Variants in CDCP1 observed in about 807,000 individuals in gnomAD.
The protein encoded by CDCP1 is CUB domain-containing protein 1.
CDCP1 carries 29 observed loss-of-function variants against 60.2 expected under a neutral mutation model. The ratio of observed to expected loss-of-function variants is 0.48; its 90% CI spans 0.36 to 0.66. The LOEUF (loss-of-function observed/expected upper bound fraction) is 0.66. CDCP1 is among the 30% of genes least tolerant of loss of function. The pLI is 0.00. For synonymous variants in CDCP1, 387 were observed against 431.1 expected, an observed-to-expected ratio of 0.90 and a Z score of 1.27; for missense variants, 876 against 1,074.3, an observed-to-expected ratio of 0.82 and a Z score of 2.58.
chr3:45,112,914 T>G (rs1403791207), intron 2 of CDCP1, among the ~76,000 whole-genome samples: 1 of 152,234 alleles, frequency 6.6e-6, no homozygotes, highest in Non-Finnish European at 1.5e-5. Flanking sequence ...TCCTCACTTC[T>G]GAGAGCACTT....
intron 1 of CDCP1, among the ~76,000 whole-genome samples, chr3:45,141,715 T>C (rs967952672): frequency 6.6e-6 from 1 of 152,198 alleles, no homozygotes; most frequent in African/African-American, 2.4e-5. Flanking sequence ...CCTTACCTGG[T>C]TGTCTAGAAT....
intron 3 of CDCP1, 88 bp from the exon 4 acceptor site, chr3:45,110,929 A>C: frequency 7.0e-7 from 1 of 1,419,424 alleles, no homozygotes. Flanking sequence ...GGGGTGTAGG[A>C]AAAATGACTG....
In CDCP1 at chr3:45,133,320, C is replaced by T. The variant is rs112419614; in HGVS notation, c.82+12886G>A. On this transcript the variant is annotated intron_variant, in intron 1 of 8. Transcript: ENST00000296129. The stretch of plus-strand genomic sequence containing the variant: ...TGAGACCTTGTGCAGAGAACCCACC[C>T]GTGCTGTACATTTCTGGACTTCCGA... Among the ~76,000 whole-genome samples the T allele has an allele frequency of 7.3e-5, 11 of 151,684 alleles. 1 individual carries two copies. The South Asian group carries it at 8.4e-4, about 12-fold the overall frequency.
At chr3:45,120,833 T>G (rs1425507637) in intron 1 of CDCP1, among the ~76,000 whole-genome samples, 1 of 152,138 alleles carries the variant, frequency 6.6e-6, no homozygotes, top group Admixed American at 6.5e-5. Context: ...GCTGGCTCCT[T>G]GTTGTCATTC....
chr3:45,146,106 C>T (rs1699382690), intron 1 of CDCP1, 100 bp downstream of exon 1: 5 of 1,128,092 alleles, frequency 4.4e-6, no homozygotes, highest in Non-Finnish European at 6.2e-6. Context: ...ACCCTCCGCA[C>T]CCTCCGCACC....
intron 4 of CDCP1, among the ~76,000 whole-genome samples, chr3:45,108,262 C>G (rs1358273942): frequency 6.6e-6 from 1 of 152,152 alleles, no homozygotes; most frequent in African/African-American, 2.4e-5. Flanking sequence ...GATCAGAGTT[C>G]TCAGGCAGTC....
intron 4 of CDCP1, among the ~76,000 whole-genome samples, chr3:45,105,696 T>C (rs553192618): frequency 3.9e-5 from 6 of 152,298 alleles, no homozygotes; most frequent in Admixed American, 3.9e-4. Flanking sequence ...ATGGGTAGAA[T>C]ATAATATAGA....
intron 4 of CDCP1, among the ~76,000 whole-genome samples, chr3:45,109,878 C>T (rs572613032): frequency 2.7e-4 from 41 of 152,248 alleles, no homozygotes; most frequent in African/African-American, 9.9e-4. Context: ...AACTGGGCTT[C>T]AGTGTGGGCC....
At chr3:45,132,624 G>T (rs981905606) in intron 1 of CDCP1, among the ~76,000 whole-genome samples, 1 of 152,148 alleles carries the variant, frequency 6.6e-6, no homozygotes, top group Non-Finnish European at 1.5e-5. Context: ...CACTTGGCTG[G>T]GCCACTAGAA....
chr3:45,093,749 A>G, intron 5 of CDCP1, 92 bp from the exon 6 acceptor site: 2 of 1,425,970 alleles, frequency 1.4e-6, no homozygotes, highest in Non-Finnish European at 1.9e-6. Flanking sequence ...GGGTGTCTGC[A>G]TGCTGCCCTG....
Position 45,095,581 on chromosome 3 carries a change from A to G in CDCP1, c.1025-13T>C. The G allele has an allele frequency of 6.2e-7, 1 of 1,611,618 alleles. No homozygotes were observed. Reference sequence around the variant, plus strand: ...ACGTAGATTTTATCTGAAACCACAAACAGAAAACAGGCATGAAGCATGGAT... The same window carrying G: ...ACGTAGATTTTATCTGAAACCACAAGCAGAAAACAGGCATGAAGCATGGAT... On this transcript the variant is annotated splice_polypyrimidine_tract_variant and intron_variant, in intron 4 of 8. Transcript: ENST00000296129.
At chr3:45,115,307 T>C (rs1698765347) in intron 2 of CDCP1, among the ~76,000 whole-genome samples, 1 of 152,158 alleles carries the variant, frequency 6.6e-6, no homozygotes, top group Non-Finnish European at 1.5e-5. Flanking sequence ...CCATCCCCTA[T>C]AGAGTAGTAT....
intron 8 of CDCP1, among the ~76,000 whole-genome samples, chr3:45,087,882 C>T (rs1049969597): frequency 6.6e-6 from 1 of 151,976 alleles, no homozygotes. Flanking sequence ...ATTAGCTGGG[C>T]GTGGTGGCGG....
At chr3:45,129,116 G>GTGACA (rs1283606994) in intron 1 of CDCP1, among the ~76,000 whole-genome samples, 1 of 152,194 alleles carries the variant, frequency 6.6e-6, no homozygotes, top group African/African-American at 2.4e-5. Context: ...TTCTAAAGTG[G>GTGACA]TGACAGGTTT....
chr3:45,120,328 A>G (rs1181308249), intron 1 of CDCP1, among the ~76,000 whole-genome samples: 1 of 152,212 alleles, frequency 6.6e-6, no homozygotes, highest in African/African-American at 2.4e-5. Flanking sequence ...CTTACATAGT[A>G]TGGAAATTGA....
At chr3:45,145,381 T>A (rs971480510) in intron 1 of CDCP1, among the ~76,000 whole-genome samples, 1 of 152,222 alleles carries the variant, frequency 6.6e-6, no homozygotes, top group Non-Finnish European at 1.5e-5. Flanking sequence ...GGTTATTTAC[T>A]ACGTTCTAAT....
At chr3:45,142,725 T>C (rs1225766071) in intron 1 of CDCP1, among the ~76,000 whole-genome samples, 1 of 152,112 alleles carries the variant, frequency 6.6e-6, no homozygotes, top group African/African-American at 2.4e-5. Context: ...TCTCTACTCT[T>C]CATCCCAGCA....
intron 1 of CDCP1, among the ~76,000 whole-genome samples, chr3:45,118,907 T>G (rs903153079): frequency 1.3e-5 from 2 of 152,238 alleles, no homozygotes; most frequent in African/African-American, 4.8e-5. Flanking sequence ...AGCAGTATGC[T>G]GTTAGATATC....
intron 8 of CDCP1, 72 bp downstream of exon 8, chr3:45,088,982 G>T: frequency 1.6e-6 from 2 of 1,220,038 alleles, no homozygotes; most frequent in South Asian, 1.2e-5. Flanking sequence ...AGTCAATAAT[G>T]AACAATCCAC....
Sources: gnomAD v4.1 joint callset for allele counts (sites outside exome capture counted in the v4.1 genomes callset) on GRCh38, gnomAD v4.1.1 for gene constraint, MANE v1.5 for transcripts, NCBI Gene and HGNC (gene_info 2026-07-23, HGNC 2026-07-21) for gene names.